Variants in CCDC7 observed in about 807,000 individuals in gnomAD.
CCDC7 encodes coiled-coil domain-containing protein 7.
In CCDC7, 183 loss-of-function variants were observed where a neutral mutation model predicts 196.9. The observed-to-expected ratio is 0.93, with a 90% CI of 0.82 to 1.05. The LOEUF (loss-of-function observed/expected upper bound fraction) is 1.05. Among genes scored for constraint, CCDC7 ranks in the 50% least tolerant of loss-of-function variants. The probability of loss-of-function intolerance (pLI) is 0.00; values close to 1 mark genes in which losing one functional copy is unlikely to be tolerated. For missense variants in CCDC7, 1,540 were observed against 1,482.2 expected (o/e 1.04, Z -0.64); for synonymous variants, 525 against 484.6 (o/e 1.08, Z -1.10).
At chr10:32,769,993 C>A (rs750707931) in intron 28 of CCDC7, among the ~76,000 whole-genome samples, 54 of 152,256 alleles carry the variant, frequency 3.5e-4, no homozygotes, top group South Asian at 1.0e-3. Flanking sequence ...TAGGTATATA[C>A]CCAGTAATGG....
intron 18 of CCDC7, among the ~76,000 whole-genome samples, chr10:32,590,780 T>C (rs2059710382): frequency 6.6e-6 from 1 of 152,180 alleles, no homozygotes; most frequent in South Asian, 2.1e-4. Context: ...GTCTTTTTCC[T>C]TCAGCTCTTT....
chr10:32,796,782 C>A (rs910987000), intron 29 of CCDC7, among the ~76,000 whole-genome samples: 1 of 152,054 alleles, frequency 6.6e-6, no homozygotes, highest in Non-Finnish European at 1.5e-5. Flanking sequence ...TATTATAAGG[C>A]ATAATTGAAG....
chr10:32,793,037 CAT>C (rs1273545134), intron 29 of CCDC7, among the ~76,000 whole-genome samples: 1 of 152,136 alleles, frequency 6.6e-6, no homozygotes, highest in Non-Finnish European at 1.5e-5. Context: ...CAATCCAGGA[CAT>C]AGATTGGCTG....
At chr10:32,705,284 C>T (rs2079520016) in intron 24 of CCDC7, among the ~76,000 whole-genome samples, 2 of 152,026 alleles carry the variant, frequency 1.3e-5, no homozygotes, top group African/African-American at 2.4e-5. Context: ...ATTTTGTCGC[C>T]ACCAGGCCTG....
intron 8 of CCDC7, 106 bp downstream of exon 9, chr10:32,474,129 G>A: frequency 9.8e-7 from 1 of 1,016,332 alleles, no homozygotes; most frequent in Non-Finnish European, 1.3e-6. Flanking sequence ...TTGCCTTGGA[G>A]TTTGGAGCCA....
At chr10:32,717,609 A>T (rs1323826095) in intron 25 of CCDC7, among the ~76,000 whole-genome samples, 2 of 150,246 alleles carry the variant, frequency 1.3e-5, no homozygotes, top group African/African-American at 5.1e-5. Context: ...GAAAAATTTA[A>T]CAAAATAGAT....
rs192059682 is a variant in CCDC7, at chr10:32,582,230, G to A, written c.1455-804G>A. On this transcript the variant is annotated intron_variant, in intron 16 of 41. Coordinates refer to ENST00000639629, the Ensembl canonical transcript of CCDC7. ...CAAAATTCATTCTAAACTAACAAACGTAGGATAGGTGGCAGTAGGTACATT... is the reference window on the plus strand; with the variant it reads ...CAAAATTCATTCTAAACTAACAAACATAGGATAGGTGGCAGTAGGTACATT... Among the ~76,000 whole-genome samples the A allele has an allele frequency of 8.0e-4, 119 of 148,842 alleles. 3 individuals are homozygous for A. Among genetic ancestry groups the A allele is most frequent in the Admixed American group, 2.6e-3 (38 of 14,826 alleles).
intron 21 of CCDC7, among the ~76,000 whole-genome samples, chr10:32,676,665 A>G (rs929142503): frequency 1.3e-5 from 2 of 152,068 alleles, no homozygotes; most frequent in African/African-American, 2.4e-5. Flanking sequence ...CAAAACCACA[A>G]TGAGATACCA....
At chr10:32,640,807 T>G (rs4311970) in intron 20 of CCDC7, among the ~76,000 whole-genome samples, 12,696 of 151,434 alleles carry the variant, frequency 0.084, 848 homozygotes, top group South Asian at 0.25. Context: ...GGTTGAAAAT[T>G]CTTTTCTTTA....
intron 29 of CCDC7, among the ~76,000 whole-genome samples, chr10:32,792,207 T>C (rs1477391752): frequency 1.3e-5 from 2 of 152,190 alleles, no homozygotes; most frequent in African/African-American, 4.8e-5. Context: ...AGGGATTTCT[T>C]CAAGTGGAAA....
chr10:32,729,514 G>A (rs2083598452), intron 28 of CCDC7, 57 bp downstream of exon 29: 7 of 896,418 alleles, frequency 7.8e-6, no homozygotes, highest in South Asian at 2.3e-5. Flanking sequence ...GGAGAAATTT[G>A]TTTTTGGTTT....
rs779622179 is a variant in CCDC7 at position 32,728,875 on chromosome 10, C to G, written c.2669-12C>G. ...TTTCCATTTGATGGACTAAATGCAT[C>G]TCTTGATATAGCTCGTATTGTAGTA... On this transcript the variant is annotated splice_polypyrimidine_tract_variant and intron_variant, in intron 26 of 41. Transcript: ENST00000639629. 9.5e-6 allele frequency: 14 copies of G among 1,469,548 alleles called. No homozygotes were observed. Among genetic ancestry groups the G allele is most frequent in the Admixed American group, 3.5e-5 (2 of 57,142 alleles). 91.0% of individuals were successfully genotyped at this position (1,469,548 alleles called of 1,614,324 possible). A position where few individuals can be genotyped will look rare whatever the true frequency, so the allele number is the denominator to read the frequency against.
intron 28 of CCDC7, among the ~76,000 whole-genome samples, chr10:32,758,872 T>C (rs1379300265): frequency 6.6e-6 from 1 of 152,210 alleles, no homozygotes; most frequent in Non-Finnish European, 1.5e-5. Context: ...CAAAATCTCC[T>C]TAAGCTGATA....
intron 24 of CCDC7, among the ~76,000 whole-genome samples, chr10:32,704,652 T>C (rs2079378857): frequency 6.6e-6 from 1 of 152,084 alleles, no homozygotes; most frequent in South Asian, 2.1e-4. Context: ...TGTGGTGGGC[T>C]CCACCCAGTT....
At chr10:32,830,920 C>T (rs1273379967) in intron 32 of CCDC7, among the ~76,000 whole-genome samples, 1 of 152,048 alleles carries the variant, frequency 6.6e-6, no homozygotes, top group Non-Finnish European at 1.5e-5. Flanking sequence ...ATAGTAAAAA[C>T]ATTGAGAGAC....
chr10:32,700,187 G>T (rs529750379), intron 24 of CCDC7, among the ~76,000 whole-genome samples: 1 of 149,512 alleles, frequency 6.7e-6, no homozygotes, highest in Non-Finnish European at 1.5e-5. Context: ...TATGGTTTTA[G>T]GTCTAACATT....
intron 28 of CCDC7, among the ~76,000 whole-genome samples, chr10:32,731,824 C>T (rs781029919): frequency 5.3e-5 from 8 of 152,118 alleles, no homozygotes; most frequent in South Asian, 2.1e-4. Flanking sequence ...GAAGCCAAGG[C>T]GGGCTGATCA....
chr10:32,823,228 C>T (rs574391875), intron 31 of CCDC7, among the ~76,000 whole-genome samples: 3 of 152,078 alleles, frequency 2.0e-5, no homozygotes, highest in East Asian at 3.9e-4. Flanking sequence ...CCACAACCTC[C>T]GCCTCCCAGG....
intron 8 of CCDC7, among the ~76,000 whole-genome samples, chr10:32,474,260 G>A (rs184277116): frequency 0.042 from 4,550 of 108,464 alleles, 94 homozygotes; most frequent in Middle Eastern, 0.11. Flanking sequence ...GTCTTGCTCT[G>A]TTGCCCAGGC....
Sources: gnomAD v4.1 joint callset for allele counts (sites outside exome capture counted in the v4.1 genomes callset) on GRCh38, gnomAD v4.1.1 for gene constraint, MANE v1.5 for transcripts, NCBI Gene and HGNC (gene_info 2026-07-23, HGNC 2026-07-21) for gene names.